SEMA5A: variants seen among roughly 807,000 people sequenced by gnomAD.
SEMA5A encodes semaphorin 5A, also known as semaphorin-5A.
SEMA5A carries 55 observed loss-of-function variants against 135.5 expected under a neutral mutation model. That is an observed-to-expected ratio of 0.41 (90% confidence interval 0.33 to 0.51). The LOEUF (loss-of-function observed/expected upper bound fraction) is 0.51. Ranked by LOEUF, SEMA5A falls within the 20% of genes least tolerant of loss-of-function variation. The pLI is 0.37. For synonymous variants in SEMA5A, 580 were observed against 546.5 expected, an observed-to-expected ratio of 1.06 and a Z score of -0.85; for missense variants, 1,290 against 1,419.9, an observed-to-expected ratio of 0.91 and a Z score of 1.47.
intron 11 of SEMA5A, among the ~76,000 whole-genome samples, chr5:9,182,573 A>G (rs1021107300): frequency 6.6e-6 from 1 of 151,858 alleles, no homozygotes; most frequent in East Asian, 1.9e-4. Flanking sequence ...CTAAGAACCA[A>G]TGTTTGCTTC....
chr5:9,377,422 G>A (rs1027246195), intron 3 of SEMA5A, among the ~76,000 whole-genome samples: 15 of 152,076 alleles, frequency 9.9e-5, no homozygotes, highest in African/African-American at 3.6e-4. Flanking sequence ...ACAAATGATA[G>A]TAACTGGGTC....
At chr5:9,402,789 C>T (rs1183168188) in intron 2 of SEMA5A, among the ~76,000 whole-genome samples, 1 of 152,006 alleles carries the variant, frequency 6.6e-6, no homozygotes, top group East Asian at 1.9e-4. Context: ...TGTTGAATGC[C>T]CTTCTCACCT....
At chr5:9,265,572 C>T (rs142209548) in intron 5 of SEMA5A, 1 of 456,232 alleles carries the variant, frequency 2.2e-6, no homozygotes, top group African/African-American at 2.0e-5. Flanking sequence ...TAAACTGCTG[C>T]TGATCTCATC....
intron 1 of SEMA5A, among the ~76,000 whole-genome samples, chr5:9,476,590 C>T (rs555218860): frequency 8.5e-5 from 13 of 152,250 alleles, no homozygotes; most frequent in African/African-American, 3.1e-4. Context: ...CCACACAGAG[C>T]TCAAACCACC....
chr5:9,505,226 TC>T (rs1256172177), intron 1 of SEMA5A, among the ~76,000 whole-genome samples: 1 of 152,202 alleles, frequency 6.6e-6, no homozygotes, highest in African/African-American at 2.4e-5. Context: ...GAGTCCCAGT[TC>T]CCTTTCCCTG....
intron 6 of SEMA5A, among the ~76,000 whole-genome samples, chr5:9,229,550 C>T (rs1747503068): frequency 6.6e-6 from 1 of 152,078 alleles, no homozygotes; most frequent in Non-Finnish European, 1.5e-5. Flanking sequence ...TCTTCCAGAA[C>T]ACAGGGCTGA....
chr5:9,421,042 T>C (rs1234199145), intron 2 of SEMA5A, among the ~76,000 whole-genome samples: 1 of 152,118 alleles, frequency 6.6e-6, no homozygotes, highest in African/African-American at 2.4e-5. Flanking sequence ...AAAGAATTCA[T>C]GGCCACATTT....
intron 10 of SEMA5A, among the ~76,000 whole-genome samples, chr5:9,193,960 G>T (rs1579582746): frequency 6.6e-6 from 1 of 152,196 alleles, no homozygotes; most frequent in East Asian, 1.9e-4. Flanking sequence ...GACAGGATCA[G>T]ATCTACGCAC....
At chr5:9,050,310 C>G in intron 21 of SEMA5A, 100 bp downstream of exon 21, 1 of 1,117,680 alleles carries the variant, frequency 8.9e-7, no homozygotes, top group South Asian at 1.7e-5. Context: ...GTTTTTCATT[C>G]TTGGCCAAGA....
At chr5:9,118,880 A>T (rs953220228) in intron 15 of SEMA5A, 118 bp downstream of exon 15, 1 of 1,296,016 alleles carries the variant, frequency 7.7e-7, no homozygotes, top group Admixed American at 2.7e-5. Context: ...GGCTCAGCGG[A>T]AAGGGATGCC....
Position 9,053,912 on chromosome 5 carries a change from A to C in SEMA5A, c.2689+175T>G, listed in dbSNP as rs1181447508. 1.9e-5 allele frequency: 12 copies of C among 626,476 alleles called. No homozygotes were observed. The Admixed American group carries it at 4.2e-4, about 22-fold the overall frequency. The allele number at this position is 626,476 out of a possible 1,614,324, so 38.8% of individuals were successfully genotyped here. A position where few individuals can be genotyped will look rare whatever the true frequency, so the allele number is the denominator to read the frequency against. On this transcript the variant is annotated intron_variant, in intron 19 of 22. Coordinates refer to ENST00000382496, the MANE Select transcript of SEMA5A (RefSeq NM_003966.3). ...CTGAATCTATAGCTCAGTGAGAACTATTTTATTATAGATGCTATGTTTTAA... is the reference window on the plus strand; with the variant it reads ...CTGAATCTATAGCTCAGTGAGAACTCTTTTATTATAGATGCTATGTTTTAA...
chr5:9,111,079 GTTTTGAGAACATA>G (rs1461083206), intron 15 of SEMA5A, among the ~76,000 whole-genome samples: 1 of 152,190 alleles, frequency 6.6e-6, no homozygotes, highest in East Asian at 1.9e-4. Flanking sequence ...ATTGACACTT[GTTTTGAGAACATA>G]TTTTGAGGAA....
At chr5:9,192,682 A>C (rs973994053) in intron 10 of SEMA5A, among the ~76,000 whole-genome samples, 1 of 152,226 alleles carries the variant, frequency 6.6e-6, no homozygotes, top group African/African-American at 2.4e-5. Context: ...ATGTTTTAAA[A>C]AATGAAAAAG....
intron 16 of SEMA5A, among the ~76,000 whole-genome samples, chr5:9,080,795 T>C (rs1738335683): frequency 6.6e-6 from 1 of 152,094 alleles, no homozygotes; most frequent in Non-Finnish European, 1.5e-5. Flanking sequence ...GACTCCTTCA[T>C]TGTAACGCAG....
chr5:9,463,057 AAAAAAAG>A (rs1218049301), intron 1 of SEMA5A, among the ~76,000 whole-genome samples: 9 of 152,186 alleles, frequency 5.9e-5, no homozygotes, highest in Admixed American at 2.0e-4. Context: ...GTGGATGCTT[AAAAAAAG>A]AAAAAAGAAA....
rs549590879 is a variant in SEMA5A at position 9,108,946 on chromosome 5, T to C, written c.1926-659A>G. 3.4e-4 allele frequency among the ~76,000 whole-genome samples: 51 copies of C among 151,956 alleles called. No homozygotes were observed. In the South Asian group the frequency reaches 9.2e-3, roughly 27 times the overall value. ...TTTTCAGTGTTTGAATATACTTCTATACTTCTACATATTTTTCCAAATGTC... is the reference window on the plus strand; with the variant it reads ...TTTTCAGTGTTTGAATATACTTCTACACTTCTACATATTTTTCCAAATGTC... On this transcript the variant is annotated intron_variant, in intron 15 of 22. Coordinates refer to ENST00000382496, the MANE Select transcript of SEMA5A (RefSeq NM_003966.3).
intron 6 of SEMA5A, among the ~76,000 whole-genome samples, chr5:9,230,931 T>G (rs1039109237): frequency 6.6e-6 from 1 of 152,224 alleles, no homozygotes; most frequent in African/African-American, 2.4e-5. Flanking sequence ...GCTAAGGGCA[T>G]CTCACGTACT....
At chr5:9,154,770 G>T in intron 11 of SEMA5A, 75 bp from the exon 12 acceptor site, 1 of 1,271,916 alleles carries the variant, frequency 7.9e-7, no homozygotes, top group Non-Finnish European at 1.1e-6. Context: ...AACAGAGTGT[G>T]CTGTGTATGC....
At position 9,455,166 on chromosome 5, in the gene SEMA5A, A is replaced by T. The variant is rs1003302455; in HGVS notation, c.-174-17314T>A. On this transcript the variant is annotated intron_variant, in intron 1 of 22. Coordinates refer to ENST00000382496, the MANE Select transcript of SEMA5A (RefSeq NM_003966.3). ...GACCCTGTCCCTGTCCCTGAAGCTG[A>T]GTGAACTGCAGACTAACGGCACCTC... 2.0e-5 allele frequency among the ~76,000 whole-genome samples: 3 copies of T among 152,228 alleles called. 1 individual carries two copies. In the South Asian group the frequency reaches 6.2e-4, roughly 32 times the overall value.
Sources: allele counts gnomAD v4.1 joint callset (sites outside exome capture counted in the v4.1 genomes callset), GRCh38; gene constraint gnomAD v4.1.1; transcripts MANE v1.5; gene names NCBI Gene and HGNC (gene_info 2026-07-23, HGNC 2026-07-21).